Variants in SIPA1L1 observed in about 807,000 individuals in gnomAD.
The protein encoded by SIPA1L1 is signal induced proliferation associated 1 like 1, also known as signal-induced proliferation-associated 1-like protein 1.
Under a neutral mutation model 162.7 loss-of-function variants are expected in SIPA1L1, and 26 were observed. The ratio of observed to expected loss-of-function variants is 0.16; its 90% confidence interval spans 0.12 to 0.22. The LOEUF is 0.22. Among genes scored for constraint, SIPA1L1 ranks in the 10% least tolerant of loss-of-function variants. The pLI is 1.00. For synonymous variants in SIPA1L1, 829 were observed against 837.4 expected (o/e 0.99, Z 0.17); for missense variants, 1,874 against 2,241.0 (o/e 0.84, Z 3.31).
chr14:71,651,219 G>T (rs1358560569), intron 8 of SIPA1L1, among the ~76,000 whole-genome samples: 2 of 152,088 alleles, frequency 1.3e-5, no homozygotes, highest in East Asian at 3.8e-4. Flanking sequence ...TTTGCTATGT[G>T]TCTGTGTGAA....
At position 71,730,112 on chromosome 14, in the gene SIPA1L1, G is replaced by A. The variant is rs2084628556; in HGVS notation, c.4672G>A (p.Ala1558Thr). ...PFPSTPTSRR[A>T]LHRTLSDESI... ...CCCCAGCACCCCCACCTCACGGCGG[G>A]CCTTGCACAGAACACTGTCGGACGA... The change falls in exon 20 of 24, where the codon GCC becomes ACC. Residue 1558 changes from alanine (A) to threonine (T), a missense_variant. Physicochemically the swap from Ala to Thr is moderately conservative, Grantham distance 58. This residue lies in a region of SIPA1L1 where 936 missense variants were observed against 1,051.9 expected (regional missense o/e 0.89). Transcript: ENST00000381232. 3.7e-6 allele frequency: 6 copies of A among 1,614,142 alleles called. No individual in the cohort carries two copies. Among genetic ancestry groups the A allele is most frequent in the East Asian group, 4.5e-5 (2 of 44,882 alleles).
Position 71,632,036 on chromosome 14 carries a change from A to G in SIPA1L1, c.1818+7800A>G, listed in dbSNP as rs149677142. 1.7e-3 allele frequency among the ~76,000 whole-genome samples: 252 copies of G among 152,350 alleles called. 1 individual carries two copies. Among genetic ancestry groups the G allele is most frequent in the Non-Finnish European group, 3.0e-3 (204 of 68,022 alleles). On this transcript the variant is annotated intron_variant, in intron 7 of 23. Transcript: ENST00000381232. ...TTGCTTATTGCAGACCGGCCCATCCATTGAGAATAACCAGGAAAATTGAAC... is the reference window on the plus strand; with the variant it reads ...TTGCTTATTGCAGACCGGCCCATCCGTTGAGAATAACCAGGAAAATTGAAC...
At chr14:71,364,748 A>G (rs906433828) in intron 2 of SIPA1L1, among the ~76,000 whole-genome samples, 1 of 146,038 alleles carries the variant, frequency 6.8e-6, no homozygotes, top group African/African-American at 2.5e-5. Context: ...CAGAACATCA[A>G]TTTTTTTTTT....
At chr14:71,546,376 C>CTT (rs11480749) in intron 4 of SIPA1L1, among the ~76,000 whole-genome samples, 60,829 of 116,884 alleles carry the variant, frequency 0.52, 17,167 homozygotes, top group Admixed American at 0.58. Context: ...CTTTTTCTTT[C>CTT]TTTTTTTTTT....
chr14:71,407,680 T>A (rs2042123455), intron 2 of SIPA1L1, among the ~76,000 whole-genome samples: 1 of 152,182 alleles, frequency 6.6e-6, no homozygotes, highest in South Asian at 2.1e-4. Flanking sequence ...CTAATTTATG[T>A]TTTTTGTAGA....
At chr14:71,628,866 A>G (rs1042089017) in intron 7 of SIPA1L1, among the ~76,000 whole-genome samples, 15 of 152,340 alleles carry the variant, frequency 9.8e-5, no homozygotes, top group African/African-American at 3.4e-4. Flanking sequence ...ACAGAAGCAC[A>G]CAGTGCGTTC....
rs938802981 is a variant in SIPA1L1 at position 71,707,461 on chromosome 14, C to T, written c.3766-1761C>T. 6.6e-5 allele frequency among the ~76,000 whole-genome samples: 10 copies of T among 152,134 alleles called. No homozygotes were observed. The South Asian group carries it at 2.1e-3, about 31-fold the overall frequency. ...TCCTGGGCATTTTCGTCACCACCAC[C>T]GACTGCTTGTCATCCCCTGGGAGAC... On this transcript the variant is annotated intron_variant, in intron 16 of 23. Transcript: ENST00000381232.
intron 4 of SIPA1L1, among the ~76,000 whole-genome samples, chr14:71,573,255 T>G (rs1454811035): frequency 6.6e-6 from 1 of 152,244 alleles, no homozygotes; most frequent in Non-Finnish European, 1.5e-5. Context: ...TTGCAGTAAG[T>G]ATCTTTGGAC....
intron 2 of SIPA1L1, among the ~76,000 whole-genome samples, chr14:71,338,276 C>T (rs1323418292): frequency 6.6e-6 from 1 of 152,222 alleles, no homozygotes; most frequent in Non-Finnish European, 1.5e-5. Context: ...CTCAGAGGGG[C>T]ATCATCCTTT....
At chr14:71,547,155 G>A (rs1230341577) in intron 4 of SIPA1L1, among the ~76,000 whole-genome samples, 2 of 151,070 alleles carry the variant, frequency 1.3e-5, no homozygotes, top group Admixed American at 6.6e-5. Flanking sequence ...GAAATTCTAT[G>A]GAATGTTATA....
chr14:71,694,152 C>T (rs575579203), intron 13 of SIPA1L1, among the ~76,000 whole-genome samples: 2 of 152,012 alleles, frequency 1.3e-5, no homozygotes, highest in Non-Finnish European at 2.9e-5. Context: ...AATGTTGGCA[C>T]TATATATGTC....
intron 7 of SIPA1L1, among the ~76,000 whole-genome samples, chr14:71,638,609 G>A (rs535685699): frequency 2.7e-4 from 41 of 152,356 alleles, no homozygotes; most frequent in Non-Finnish European, 4.4e-4. Context: ...GGAAGGATAT[G>A]TGCTGTTAAC....
chr14:71,507,226 A>G (rs189136334), intron 2 of SIPA1L1, among the ~76,000 whole-genome samples: 1 of 152,300 alleles, frequency 6.6e-6, no homozygotes, highest in Non-Finnish European at 1.5e-5. Context: ...TGACAGCACA[A>G]CGTACTCTCA....
At chr14:71,533,402 G>A (rs972184312) in intron 4 of SIPA1L1, among the ~76,000 whole-genome samples, 3 of 152,100 alleles carry the variant, frequency 2.0e-5, no homozygotes, top group Admixed American at 6.6e-5. Flanking sequence ...TCCCAGCGCT[G>A]TGTCTGCTCT....
chr14:71,455,649 T>C (rs1004865615), intron 2 of SIPA1L1, among the ~76,000 whole-genome samples: 1 of 152,222 alleles, frequency 6.6e-6, no homozygotes, highest in Non-Finnish European at 1.5e-5. Context: ...GACTTTGGCA[T>C]GTAGTATTTA....
chr14:71,685,311 C>T, intron 12 of SIPA1L1, 51 bp from the exon 13 acceptor site: 2 of 1,586,876 alleles, frequency 1.3e-6, no homozygotes, highest in Non-Finnish European at 1.7e-6. Context: ...GTTCCACCAG[C>T]AAGAAAAAGC....
chr14:71,590,321 T>C (rs1032929052), intron 5 of SIPA1L1, among the ~76,000 whole-genome samples: 7 of 151,976 alleles, frequency 4.6e-5, no homozygotes, highest in South Asian at 2.1e-4. Flanking sequence ...ATTAGCTAGA[T>C]TGGTCATCTC....
Position 71,685,420 on chromosome 14 carries a change from T to C in SIPA1L1, c.3163T>C (p.Ser1055Pro). 5 of 1,614,190 alleles carry C rather than the reference T, an allele frequency of 3.1e-6. No homozygotes were observed. The highest frequency in any genetic ancestry group is 4.2e-6 in the Non-Finnish European group (5 of 1,180,024). ...GGAGTACAAAATGAATGAAGGTGTT[T>C]CATACGAATTCAAGTTTCCCTTCCG... is the stretch of plus-strand genomic sequence containing the variant. ...VMEYKMNEGVSYEFKFPFRNN... is the reference protein window; with the variant it reads ...VMEYKMNEGVPYEFKFPFRNN... The change falls in exon 13 of 24, where the codon TCA (serine) becomes CCA (proline). Residue 1055 changes from serine (S) to proline (P), a missense_variant. By Grantham distance (74) the Ser-to-Pro change is moderately conservative. Coordinates refer to ENST00000381232, the MANE Select transcript of SIPA1L1 (RefSeq NM_001386936.1).
At chr14:71,416,720 T>TACACAC (rs3085177) in intron 2 of SIPA1L1, among the ~76,000 whole-genome samples, 1,489 of 147,812 alleles carry the variant, frequency 0.01, 9 homozygotes, top group South Asian at 0.021. Flanking sequence ...AAGAAAAATC[T>TACACAC]ACACACACAC....
Sources: allele counts gnomAD v4.1 joint callset (sites outside exome capture counted in the v4.1 genomes callset), GRCh38; gene constraint gnomAD v4.1.1; regional missense constraint gnomAD v4.1.1; transcripts MANE v1.5; gene names NCBI Gene and HGNC (gene_info 2026-07-23, HGNC 2026-07-21).